The following PRKD3 variants were observed in gnomAD, a reference collection of about 807,000 sequenced individuals.
PRKD3 encodes the protein protein kinase D3.
In PRKD3, 47 loss-of-function variants were observed where a neutral mutation model predicts 99.2. The observed-to-expected ratio is 0.47, with a 90% CI of 0.38 to 0.60. The LOEUF (loss-of-function observed/expected upper bound fraction) is 0.60, where lower values mean the gene tolerates loss of function less well. Ranked by LOEUF, PRKD3 falls within the 20% of genes least tolerant of loss-of-function variation. The pLI, the probability that PRKD3 is intolerant of heterozygous loss-of-function variation, is 0.00. For synonymous variants in PRKD3, 392 were observed against 355.4 expected (o/e 1.10, Z -1.16); for missense variants, 1,019 against 1,088.4 (o/e 0.94, Z 0.90).
chr2:37,300,743 A>G (rs1235525968), intron 2 of PRKD3, among the ~76,000 whole-genome samples: 4 of 152,230 alleles, frequency 2.6e-5, no homozygotes, highest in African/African-American at 4.8e-5. Context: ...TCTTGTGAGT[A>G]TGAGCAATAC....
At chr2:37,322,570 T>G (rs1474876655) in intron 1 of PRKD3, among the ~76,000 whole-genome samples, 1 of 152,238 alleles carries the variant, frequency 6.6e-6, no homozygotes, top group East Asian at 1.9e-4. Context: ...CATGTTGAGC[T>G]TGACAGATGT....
At chr2:37,283,901 A>AG (rs1336373461) in intron 6 of PRKD3, among the ~76,000 whole-genome samples, 1 of 61,156 alleles carries the variant, frequency 1.6e-5, no homozygotes, top group African/African-American at 6.9e-5. Flanking sequence ...ACTCTGTCTC[A>AG]AAAAAAAAAA....
chr2:37,308,169 C>T (rs1558576201), intron 2 of PRKD3, among the ~76,000 whole-genome samples: 1 of 152,196 alleles, frequency 6.6e-6, no homozygotes, highest in Non-Finnish European at 1.5e-5. Flanking sequence ...CTTACCAATA[C>T]ATGAGCTCTA....
At chr2:37,255,881 G>T (rs1667891340) in intron 17 of PRKD3, among the ~76,000 whole-genome samples, 1 of 152,042 alleles carries the variant, frequency 6.6e-6, no homozygotes. Context: ...GTGGCCCATG[G>T]TGCATACCCA....
chr2:37,271,722 A>G (rs996180105), intron 12 of PRKD3, among the ~76,000 whole-genome samples: 2 of 152,186 alleles, frequency 1.3e-5, no homozygotes, highest in Admixed American at 6.5e-5. Flanking sequence ...GAATCTGATG[A>G]TCTGACACGG....
intron 13 of PRKD3, chr2:37,268,720 A>G (rs1319098404): frequency 5.8e-6 from 1 of 172,546 alleles, no homozygotes; most frequent in East Asian, 1.8e-4. Flanking sequence ...GAGAAGGAGC[A>G]GAGAGGCAAA....
intron 2 of PRKD3, among the ~76,000 whole-genome samples, chr2:37,311,284 CCTT>C (rs1671414949): frequency 6.6e-6 from 1 of 152,162 alleles, no homozygotes; most frequent in African/African-American, 2.4e-5. Context: ...TGACAGCTCT[CCTT>C]CCTGAGTCAT....
chr2:37,262,179 C>G (rs1026629996), intron 14 of PRKD3, among the ~76,000 whole-genome samples: 2 of 152,104 alleles, frequency 1.3e-5, no homozygotes, highest in African/African-American at 4.8e-5. Flanking sequence ...ATATGGCTAG[C>G]TGATTATGCT....
In PRKD3 at chr2:37,316,724, T is replaced by TTAA; in HGVS notation, c.-203_-201dup. On this transcript the variant is annotated 5_prime_UTR_variant, in exon 2 of 19. Transcript: ENST00000234179. The stretch of plus-strand genomic sequence containing the variant: ...GAATGCCCCAAAGGTCCTATTTCTC[T>TTAA]TAATATCAGTCCCATCAAAAAGCAG... The TTAA allele has an allele frequency of 9.2e-6, 13 of 1,409,536 alleles. No individual in the cohort carries two copies. In the South Asian group the frequency reaches 2.1e-4, roughly 22 times the overall value. The allele number at this position is 1,409,536 out of a possible 1,614,324, so 87.3% of individuals were successfully genotyped here. A position where few individuals can be genotyped will look rare whatever the true frequency, so the allele number is the denominator to read the frequency against.
At chr2:37,255,419 A>T (rs564645654) in intron 17 of PRKD3, among the ~76,000 whole-genome samples, 1 of 152,332 alleles carries the variant, frequency 6.6e-6, no homozygotes, top group African/African-American at 2.4e-5. Flanking sequence ...TGTTTTAAGT[A>T]GTGTACTTGT....
intron 5 of PRKD3, among the ~76,000 whole-genome samples, chr2:37,287,875 T>C (rs1377721867): frequency 6.6e-6 from 1 of 152,306 alleles, no homozygotes; most frequent in Non-Finnish European, 1.5e-5. Flanking sequence ...GTTCACCTGG[T>C]AGAAAAACCC....
At chr2:37,267,603 G>A (rs1668935535) in intron 13 of PRKD3, 67 bp from the exon 14 acceptor site, 2 of 1,162,034 alleles carry the variant, frequency 1.7e-6, no homozygotes, top group Non-Finnish European at 2.5e-6. Flanking sequence ...GTTGTCCACA[G>A]ACTGAAATTT....
Position 37,309,190 on chromosome 2 carries a change from G to T in PRKD3, c.288+7047C>A, listed in dbSNP as rs568601198. The stretch of plus-strand genomic sequence containing the variant: ...AAGATTTTAATTTTATTTATATTTG[G>T]ACTTACCCGTTTCTTAAGATAATTG... On this transcript the variant is annotated intron_variant, in intron 2 of 18. Transcript: ENST00000234179. Among the ~76,000 whole-genome samples, 63 of 151,942 alleles carry T rather than the reference G, an allele frequency of 4.1e-4. 2 individuals are homozygous for T. In the South Asian group the frequency reaches 0.013, roughly 31 times the overall value.
intron 9 of PRKD3, among the ~76,000 whole-genome samples, chr2:37,277,313 C>G (rs1669622913): frequency 1.3e-5 from 2 of 152,044 alleles, no homozygotes. Flanking sequence ...AGTAACTTTC[C>G]CAAGTTCATA....
At chr2:37,296,539 T>C (rs1321241031) in intron 2 of PRKD3, among the ~76,000 whole-genome samples, 3 of 152,036 alleles carry the variant, frequency 2.0e-5, no homozygotes, top group African/African-American at 7.2e-5. Context: ...AGCCAGCCTG[T>C]GAAAAAGATT....
At chr2:37,283,065 G>A (rs1669929188) in intron 6 of PRKD3, among the ~76,000 whole-genome samples, 1 of 152,202 alleles carries the variant, frequency 6.6e-6, no homozygotes, top group African/African-American at 2.4e-5. Flanking sequence ...AGGAAGGACT[G>A]AGTTTCTCCA....
At chr2:37,312,238 G>A (rs1657087272) in intron 2 of PRKD3, among the ~76,000 whole-genome samples, 1 of 152,122 alleles carries the variant, frequency 6.6e-6, no homozygotes, top group African/African-American at 2.4e-5. Context: ...AATAAAGCCT[G>A]CATTTGTCAA....
At chr2:37,298,264 A>C (rs1670760468) in intron 2 of PRKD3, among the ~76,000 whole-genome samples, 1 of 152,172 alleles carries the variant, frequency 6.6e-6, no homozygotes, top group Non-Finnish European at 1.5e-5. Flanking sequence ...GTTTTCTCAG[A>C]ATCCTTCTGA....
rs1671663987 is a variant in PRKD3, at chr2:37,316,489, C to T, written c.36G>A (p.Lys12=). ...CAGGAATAGCTGTGGGTAATACAGACTTCTGGGCTGATGGAGGGGAATTAT... is the reference window on the plus strand; with the variant it reads ...CAGGAATAGCTGTGGGTAATACAGATTTCTGGGCTGATGGAGGGGAATTAT... ...SANNSPPSAQ[K]SVLPTAIPAV... The change falls in exon 2 of 19, where the codon AAG becomes AAA. Residue 12 remains lysine (K), a synonymous_variant. Coordinates refer to ENST00000234179, the MANE Select transcript of PRKD3 (RefSeq NM_005813.6). 6.2e-7 allele frequency: 1 copy of T among 1,614,084 alleles called. No homozygotes were observed. Among genetic ancestry groups the T allele is most frequent in the Non-Finnish European group, 8.5e-7 (1 of 1,179,954 alleles).
Sources: gnomAD v4.1 joint callset for allele counts (sites outside exome capture counted in the v4.1 genomes callset) on GRCh38, gnomAD v4.1.1 for gene constraint, MANE v1.5 for transcripts, NCBI Gene and HGNC (gene_info 2026-07-23, HGNC 2026-07-21) for gene names.